ARID1A: variants seen among roughly 807,000 people sequenced by gnomAD.
The protein encoded by ARID1A is AT-rich interactive domain-containing protein 1A.
A neutral mutation model predicts 212.6 loss-of-function variants in ARID1A; 20 were observed. The ratio of observed to expected loss-of-function variants is 0.09; its 90% CI spans 0.07 to 0.14. The LOEUF (loss-of-function observed/expected upper bound fraction) is 0.14, where lower values mean the gene tolerates loss of function less well. Ranked by LOEUF, ARID1A falls within the 10% of genes least tolerant of loss-of-function variation. The pLI is 1.00. For missense variants in ARID1A, 2,587 were observed against 3,059.0 expected, an observed-to-expected ratio of 0.85 and a Z score of 3.64; for synonymous variants, 1,376 against 1,222.1, an observed-to-expected ratio of 1.13 and a Z score of -2.63.
intron 4 of ARID1A, among the ~76,000 whole-genome samples, chr1:26,748,675 A>AT (rs2080858818): frequency 7.1e-6 from 1 of 141,654 alleles, no homozygotes; most frequent in Admixed American, 7.5e-5. Context: ...CACTTCATAC[A>AT]TTTTTGGCCA....
rs144163263 is a variant in ARID1A at position 26,746,064 on chromosome 1, A to G, written c.1920+13272A>G. 5.5e-3 allele frequency among the ~76,000 whole-genome samples: 835 copies of G among 152,262 alleles called. 9 individuals carry two copies. The highest frequency in any genetic ancestry group is 6.8e-3 in the Non-Finnish European group (464 of 68,008). On this transcript the variant is annotated intron_variant, in intron 4 of 19. Coordinates refer to ENST00000324856, the MANE Select transcript of ARID1A (RefSeq NM_006015.6). ...AAAACTCTGTCTCAAAAAAATAGAA[A>G]AGGAAAAATGCCATATTCAGAAAAT...
At chr1:26,712,568 A>G (rs2080464548) in intron 1 of ARID1A, among the ~76,000 whole-genome samples, 1 of 151,920 alleles carries the variant, frequency 6.6e-6, no homozygotes, top group Admixed American at 6.6e-5. Flanking sequence ...GCATGCACCT[A>G]TTGTCCCAGT....
chr1:26,737,636 T>C (rs576308044), intron 4 of ARID1A, among the ~76,000 whole-genome samples: 48 of 151,940 alleles, frequency 3.2e-4, no homozygotes, highest in African/African-American at 1.1e-3. Flanking sequence ...GAGGCTGAGG[T>C]GGGCGGATCA....
At chr1:26,776,046 C>T (rs72651560) in intron 19 of ARID1A, 29,267 of 386,572 alleles carry the variant, frequency 0.076, 1,457 homozygotes, top group Middle Eastern at 0.12. Context: ...GAGACGAGGT[C>T]TCACTATGTT....
In ARID1A at chr1:26,774,598, C is replaced by G; in HGVS notation, c.4371C>G (p.Phe1457Leu). 6.2e-7 allele frequency: 1 copy of G among 1,614,198 alleles called. No individual in the cohort carries two copies. The highest frequency in any genetic ancestry group is 8.5e-7 in the Non-Finnish European group (1 of 1,180,032). ...GCGGCCCCCAGAACCAATTTCCATT[C>G]CAGTTTGGCCGAGACCGTGTCTCTG... is the stretch of plus-strand genomic sequence containing the variant. The part of the protein sequence containing the change: ...PAGGPQNQFP[F>L]QFGRDRVSAP... Residue 1457 changes from phenylalanine to leucine, a missense_variant, in exon 18 of 20, where the codon TTC (phenylalanine) becomes TTG (leucine). Phe to Leu is a conservative substitution (Grantham distance 22, BLOSUM62 0). Around this residue, in one of 11 missense-constraint regions of ARID1A, gnomAD observed 890 missense variants for 1,098.2 expected, o/e 0.81. Transcript: ENST00000324856. This position sits in a 1 kb window ranked among gnomAD's most constrained non-coding sequence, Gnocchi z 5.6.
In ARID1A at chr1:26,774,161, G is replaced by T; in HGVS notation, c.4102-168G>T. The T allele has an allele frequency of 7.6e-7, 1 of 1,308,014 alleles. No homozygotes were observed. Among genetic ancestry groups the T allele is most frequent in the Non-Finnish European group, 1.0e-6 (1 of 978,336 alleles). The allele number at this position is 1,308,014 out of a possible 1,614,324, so 81.0% of individuals were successfully genotyped here. On this transcript the variant is annotated intron_variant, in intron 17 of 19. Transcript: ENST00000324856. This position sits in a 1 kb window ranked among gnomAD's most constrained non-coding sequence, Gnocchi z 5.6. ...TAAGCAAGGGAAGGGAAGAAAGAGT[G>T]GTGGTTGCTTTTGGAAACAACTTCA...
chr1:26,750,831 A>G lies in ARID1A; in HGVS notation c.1921-10025A>G, dbSNP rs546780404. On this transcript the variant is annotated intron_variant, in intron 4 of 19. Coordinates refer to ENST00000324856, the MANE Select transcript of ARID1A (RefSeq NM_006015.6). ...TGTCCTCTTACACATTAAGTACCCT[A>G]CAGAAAACCCAGGGGTGAGAAAAAG... is the stretch of plus-strand genomic sequence containing the variant. 6.6e-5 allele frequency among the ~76,000 whole-genome samples: 10 copies of G among 152,164 alleles called. No homozygotes were observed. In the East Asian group the frequency reaches 1.4e-3, roughly 21 times the overall value.
In ARID1A at chr1:26,781,623, C is replaced by T. The variant is rs536545312; in HGVS notation, c.*867C>T. 4 of 233,594 alleles carry T rather than the reference C, an allele frequency of 1.7e-5. No individual in the cohort carries two copies. The highest frequency in any genetic ancestry group is 2.5e-5 in the Non-Finnish European group (3 of 118,050). 14.5% of individuals were successfully genotyped at this position (233,594 alleles called of 1,614,324 possible). On this transcript the variant is annotated 3_prime_UTR_variant, in exon 20 of 20. Coordinates refer to ENST00000324856, the MANE Select transcript of ARID1A (RefSeq NM_006015.6). ...CGCTGCCACGTGTGTATATATATGA[C>T]GTTGTACATTGCACATACCCTTGGA...
At chr1:26,718,634 G>T (rs1318957995) in intron 1 of ARID1A, among the ~76,000 whole-genome samples, 1 of 152,140 alleles carries the variant, frequency 6.6e-6, no homozygotes, top group Non-Finnish European at 1.5e-5. Flanking sequence ...ATCATCTCTA[G>T]ATTACTTATA....
rs1204913370 is a variant in ARID1A, at chr1:26,697,087, C to G, written c.684C>G (p.Ala228=). 7 of 1,487,550 alleles carry G rather than the reference C, an allele frequency of 4.7e-6. No homozygotes were observed. Among genetic ancestry groups the G allele is most frequent in the Non-Finnish European group, 6.2e-6 (7 of 1,123,874 alleles). 92.1% of individuals were successfully genotyped at this position (1,487,550 alleles called of 1,614,324 possible). The change falls in exon 1 of 20, where the codon GCC becomes GCG. Residue 228 remains alanine (A), a synonymous_variant. Coordinates refer to ENST00000324856, the MANE Select transcript of ARID1A (RefSeq NM_006015.6). ...NRSAYPPPAP[A]YALSSPRGGT... ...GCGCCTACCCCCCGCCCGCCCCGGC[C>G]TACGCGCTGAGCTCCCCGAGAGGTG...
At chr1:26,742,197 C>T (rs2080794078) in intron 4 of ARID1A, among the ~76,000 whole-genome samples, 1 of 152,214 alleles carries the variant, frequency 6.6e-6, no homozygotes, top group Non-Finnish European at 1.5e-5. Flanking sequence ...ATTTGCTAGA[C>T]TTGTCCTAAA....
chr1:26,751,198 T>C (rs746135645), intron 4 of ARID1A, among the ~76,000 whole-genome samples: 2 of 151,670 alleles, frequency 1.3e-5, no homozygotes, highest in Non-Finnish European at 2.9e-5. Context: ...GAGATTGCAG[T>C]GAGCTGAGAT....
At chr1:26,732,263 A>G (rs1403495905) in intron 3 of ARID1A, among the ~76,000 whole-genome samples, 1 of 152,228 alleles carries the variant, frequency 6.6e-6, no homozygotes, top group African/African-American at 2.4e-5. Flanking sequence ...CAGGTCCACT[A>G]AAAAGTTTAT....
chr1:26,701,386 T>G (rs935379019), intron 1 of ARID1A, among the ~76,000 whole-genome samples: 2 of 152,340 alleles, frequency 1.3e-5, no homozygotes, highest in Admixed American at 1.3e-4. Context: ...GGTTTTTCCT[T>G]GTTTAGATTG....
chr1:26,772,620 T>C lies in ARID1A; in HGVS notation c.3527T>C (p.Leu1176Ser), dbSNP rs1177805026. The C allele has an allele frequency of 1.2e-6, 2 of 1,614,152 alleles. No homozygotes were observed. The highest frequency in any genetic ancestry group is 1.7e-6 in the Non-Finnish European group (2 of 1,180,016). The change falls in exon 13 of 20, where the codon TTG becomes TCG. Residue 1176 changes from leucine to serine, a missense_variant. Transcript: ENST00000324856. The part of the protein sequence containing the change: ...ASTPHSQIPP[L>S]PGMSRSNSVG... ...ACACCACACAGTCAGATCCCCCCAT[T>C]GCCAGGCATGAGGTAAGGCCAAGAG...
intron 4 of ARID1A, among the ~76,000 whole-genome samples, chr1:26,744,925 T>A (rs970479382): frequency 6.6e-6 from 1 of 151,806 alleles, no homozygotes; most frequent in African/African-American, 2.4e-5. Context: ...TGGACAAATG[T>A]ATTTAAAGGC....
chr1:26,775,559 C>T lies in ARID1A; in HGVS notation c.4994-18C>T, dbSNP rs2124125982. The T allele has an allele frequency of 6.2e-7, 1 of 1,613,568 alleles. No individual in the cohort carries two copies. Among genetic ancestry groups the T allele is most frequent in the Non-Finnish European group, 8.5e-7 (1 of 1,179,942 alleles). On this transcript the variant is annotated intron_variant, in intron 18 of 19. Transcript: ENST00000324856. ...CAACCTGGGCTTGGTGGATAGACGA[C>T]ATGGAGGTTTATTTCAGGAACCCCG...
intron 1 of ARID1A, among the ~76,000 whole-genome samples, chr1:26,726,353 T>TA (rs1224202492): frequency 6.6e-6 from 1 of 152,048 alleles, no homozygotes; most frequent in Non-Finnish European, 1.5e-5. Flanking sequence ...TTTGTGTTTT[T>TA]AGTAGAGATG....
intron 1 of ARID1A, among the ~76,000 whole-genome samples, chr1:26,711,949 A>T (rs1404797612): frequency 6.6e-6 from 1 of 151,866 alleles, no homozygotes; most frequent in Admixed American, 6.6e-5. Context: ...AGGCATGGTG[A>T]TGCGCGCCTG....
Sources: allele counts gnomAD v4.1 joint callset (sites outside exome capture counted in the v4.1 genomes callset), GRCh38; gene constraint gnomAD v4.1.1; regional missense constraint gnomAD v4.1.1; non-coding constraint Gnocchi (gnomAD v3.1); transcripts MANE v1.5; gene names NCBI Gene and HGNC (gene_info 2026-07-23, HGNC 2026-07-21).